FILIP1L: variants seen among roughly 807,000 people sequenced by gnomAD.
FILIP1L encodes filamin A interacting protein 1 like.
Under a neutral mutation model 96.6 loss-of-function variants are expected in FILIP1L, and 55 were observed. That is an observed-to-expected ratio of 0.57 (90% CI 0.46 to 0.71). The LOEUF is 0.71. FILIP1L is among the 30% of genes least tolerant of loss of function. The probability of loss-of-function intolerance (pLI) is 0.00; values close to 1 mark genes in which losing one functional copy is unlikely to be tolerated. For synonymous variants in FILIP1L, 467 were observed against 473.9 expected (o/e 0.99, Z 0.19); for missense variants, 1,304 against 1,321.2 (o/e 0.99, Z 0.20).
intron 4 of FILIP1L, among the ~76,000 whole-genome samples, chr3:99,912,054 C>T (rs1007400543): frequency 6.6e-6 from 1 of 152,092 alleles, no homozygotes; most frequent in Non-Finnish European, 1.5e-5. Flanking sequence ...GAAACTTTAT[C>T]TCATGAGAAA....
chr3:100,068,890 A>G (rs1164876033), intron 1 of FILIP1L, among the ~76,000 whole-genome samples: 1 of 152,146 alleles, frequency 6.6e-6, no homozygotes, highest in Non-Finnish European at 1.5e-5. Flanking sequence ...TTATTTTGTG[A>G]ATTCACAGGT....
At chr3:100,042,171 A>T (rs1241175983) in intron 1 of FILIP1L, among the ~76,000 whole-genome samples, 1 of 152,220 alleles carries the variant, frequency 6.6e-6, no homozygotes, top group East Asian at 1.9e-4. Flanking sequence ...AAAGGGCAAA[A>T]ATTGTGGCAG....
At chr3:99,878,138 A>G (rs1705598004) in intron 4 of FILIP1L, among the ~76,000 whole-genome samples, 1 of 152,274 alleles carries the variant, frequency 6.6e-6, no homozygotes, top group East Asian at 1.9e-4. Flanking sequence ...TTACATTACT[A>G]ATGTGTTACT....
intron 1 of FILIP1L, among the ~76,000 whole-genome samples, chr3:100,014,418 A>T (rs981661374): frequency 1.2e-4 from 18 of 151,950 alleles, no homozygotes; most frequent in Non-Finnish European, 2.1e-4. Flanking sequence ...AAACCTGCAG[A>T]CTTATTTTCT....
rs542780341 is a variant in FILIP1L at position 100,095,140 on chromosome 3, T to TA, written c.-11+18912dup. On this transcript the variant is annotated intron_variant, in intron 1 of 5. Transcript: ENST00000477258. The stretch of plus-strand genomic sequence containing the variant: ...TACATACAGTCTTGATTACTATAGT[T>TA]AAAAAAGTCTTGAAATAGGTACACT... Among the ~76,000 whole-genome samples the TA allele has an allele frequency of 7.5e-3, 1,149 of 152,292 alleles. 5 individuals carry two copies. The highest frequency in any genetic ancestry group is 0.011 in the African/African-American group (465 of 41,558).
chr3:99,977,217 G>A (rs1472569081), intron 1 of FILIP1L, among the ~76,000 whole-genome samples: 1 of 152,162 alleles, frequency 6.6e-6, no homozygotes, highest in Non-Finnish European at 1.5e-5. Context: ...AGCACAGCCT[G>A]CAAAGAAAGG....
intron 1 of FILIP1L, among the ~76,000 whole-genome samples, chr3:100,092,725 CAT>C (rs2107438339): frequency 6.7e-6 from 1 of 150,074 alleles, no homozygotes; most frequent in African/African-American, 2.5e-5. Flanking sequence ...AAAAAATATT[CAT>C]ACTTACTCTG....
intron 1 of FILIP1L, among the ~76,000 whole-genome samples, chr3:100,000,377 A>G: frequency 6.6e-6 from 1 of 152,126 alleles, no homozygotes; most frequent in East Asian, 1.9e-4. Context: ...CCTCCTACTA[A>G]ATGAGGAATA....
intron 1 of FILIP1L, among the ~76,000 whole-genome samples, chr3:99,952,712 A>G (rs1708213098): frequency 6.6e-6 from 1 of 152,184 alleles, no homozygotes; most frequent in African/African-American, 2.4e-5. Context: ...TAATATCTAT[A>G]GTTTACTAGC....
At chr3:100,111,848 A>G (rs2066496349) in intron 1 of FILIP1L, among the ~76,000 whole-genome samples, 1 of 152,210 alleles carries the variant, frequency 6.6e-6, no homozygotes, top group Non-Finnish European at 1.5e-5. Flanking sequence ...GTGTTTTCTA[A>G]TTCAATTATT....
chr3:99,852,059 T>A (rs994936321), intron 4 of FILIP1L, among the ~76,000 whole-genome samples: 22 of 152,252 alleles, frequency 1.4e-4, no homozygotes, highest in Non-Finnish European at 2.9e-5. Context: ...TCTTCTTTTA[T>A]GTTTTAAATT....
At chr3:99,877,775 CA>C (rs1253653703) in intron 4 of FILIP1L, among the ~76,000 whole-genome samples, 1 of 152,094 alleles carries the variant, frequency 6.6e-6, no homozygotes, top group South Asian at 2.1e-4. Context: ...TTTTTTATTA[CA>C]AATGAGATTA....
At chr3:100,054,524 T>C (rs544674793) in intron 1 of FILIP1L, among the ~76,000 whole-genome samples, 1 of 151,146 alleles carries the variant, frequency 6.6e-6, no homozygotes. Flanking sequence ...TATGTTATGT[T>C]ATGTTATGTT....
At chr3:100,022,381 CT>C (rs1288551411) in intron 1 of FILIP1L, among the ~76,000 whole-genome samples, 1 of 152,222 alleles carries the variant, frequency 6.6e-6, no homozygotes, top group African/African-American at 2.4e-5. Flanking sequence ...TCCACTGTCT[CT>C]GCCTTCATGC....
chr3:99,914,434 AT>A (rs947205791), intron 4 of FILIP1L, among the ~76,000 whole-genome samples: 2 of 151,906 alleles, frequency 1.3e-5, no homozygotes, highest in African/African-American at 4.8e-5. Flanking sequence ...GATATGTTAG[AT>A]TTTTTTTTCC....
chr3:100,052,097 A>G (rs1456737245), intron 1 of FILIP1L, among the ~76,000 whole-genome samples: 2 of 152,182 alleles, frequency 1.3e-5, no homozygotes, highest in African/African-American at 2.4e-5. Flanking sequence ...TATTTAGGCT[A>G]CTAATGGGCA....
intron 4 of FILIP1L, among the ~76,000 whole-genome samples, chr3:99,873,084 A>G (rs961325877): frequency 6.6e-6 from 1 of 152,188 alleles, no homozygotes; most frequent in African/African-American, 2.4e-5. Flanking sequence ...ATTGCAGCAC[A>G]CTTTAAGCAT....
At chr3:100,008,190 A>T (rs1383866492) in intron 1 of FILIP1L, among the ~76,000 whole-genome samples, 2 of 152,196 alleles carry the variant, frequency 1.3e-5, no homozygotes, top group Admixed American at 6.5e-5. Flanking sequence ...AGCAGTGGGA[A>T]GGAAGGAGCC....
intron 1 of FILIP1L, among the ~76,000 whole-genome samples, chr3:100,006,022 G>A (rs376071446): frequency 1.1e-3 from 167 of 152,276 alleles, no homozygotes; most frequent in Middle Eastern, 3.4e-3. Context: ...AGTTTGATAG[G>A]AAGTGGGATA....
Sources: allele counts gnomAD v4.1 joint callset (sites outside exome capture counted in the v4.1 genomes callset), GRCh38; gene constraint gnomAD v4.1.1; transcripts MANE v1.5; gene names NCBI Gene and HGNC (gene_info 2026-07-23, HGNC 2026-07-21).